The following FAT3 variants were observed in gnomAD, a reference collection of about 807,000 sequenced individuals.
The protein encoded by FAT3 is protocadherin Fat 3.
Under a neutral mutation model 310.2 loss-of-function variants are expected in FAT3, and 95 were observed. That is an observed-to-expected ratio of 0.31 (90% CI 0.26 to 0.36). FAT3 has a LOEUF of 0.36. Ranked by LOEUF, FAT3 falls within the 10% of genes least tolerant of loss-of-function variation. The pLI, the probability that FAT3 is intolerant of heterozygous loss-of-function variation, is 1.00. For missense variants in FAT3, 5,408 were observed against 5,715.6 expected, an observed-to-expected ratio of 0.95 and a Z score of 1.74; for synonymous variants, 2,314 against 2,192.9, an observed-to-expected ratio of 1.06 and a Z score of -1.54.
intron 22 of FAT3, among the ~76,000 whole-genome samples, chr11:92,871,586 C>T (rs1377318596): frequency 2.6e-5 from 4 of 152,132 alleles, no homozygotes; most frequent in African/African-American, 9.7e-5. Context: ...GTTTAAATGA[C>T]ACCTTGTTAT....
intron 1 of FAT3, among the ~76,000 whole-genome samples, chr11:92,276,243 A>AT (rs1340397317): frequency 6.6e-6 from 1 of 152,192 alleles, no homozygotes; most frequent in Non-Finnish European, 1.5e-5. Flanking sequence ...TTTTTATCAA[A>AT]TGAGTCACAA....
chr11:92,411,548 G>A (rs1950269554), intron 2 of FAT3, among the ~76,000 whole-genome samples: 1 of 152,084 alleles, frequency 6.6e-6, no homozygotes, highest in Non-Finnish European at 1.5e-5. Flanking sequence ...TCTGTATTTT[G>A]ACAAGCCTTC....
At chr11:92,285,216 A>T (rs1946530769) in intron 1 of FAT3, among the ~76,000 whole-genome samples, 1 of 152,160 alleles carries the variant, frequency 6.6e-6, no homozygotes, top group Non-Finnish European at 1.5e-5. Flanking sequence ...AGAGTGTAAG[A>T]GTGCTCTGCA....
At position 92,883,100 on chromosome 11, in the gene FAT3, G is replaced by A. The variant is rs2136413826; in HGVS notation, c.12644G>A (p.Ser4215Asn). 6.2e-7 allele frequency: 1 copy of A among 1,613,852 alleles called. No homozygotes were observed. Among genetic ancestry groups the A allele is most frequent in the South Asian group, 1.1e-5 (1 of 91,082 alleles). The change falls in exon 24 of 28, where the codon AGT becomes AAT. Residue 4215 changes from serine to asparagine, a missense_variant. Ser to Asn is a conservative substitution (Grantham distance 46). This residue lies in a region of FAT3 where 649 missense variants were observed against 666.2 expected (regional missense o/e 0.97). Coordinates refer to ENST00000525166, the MANE Select transcript of FAT3 (RefSeq NM_001367949.2). This position sits in a 1 kb window ranked among gnomAD's most constrained non-coding sequence, Gnocchi z 4.2. ...ATCCCGTTCCGGAACCTGCGCGGCA[G>A]TGGGGACGGCCGCAACGTCTACCAG... ...NGIPFRNLRG[S>N]GDGRNVYQEV...
At chr11:92,679,972 G>C (rs1049785257) in intron 3 of FAT3, among the ~76,000 whole-genome samples, 1 of 149,552 alleles carries the variant, frequency 6.7e-6, no homozygotes. Context: ...TTTTGTTGCT[G>C]TTGTTGTTTC....
At chr11:92,306,506 A>T in intron 1 of FAT3, among the ~76,000 whole-genome samples, 1 of 131,402 alleles carries the variant, frequency 7.6e-6, no homozygotes, top group South Asian at 2.2e-4. Context: ...TATATATGTT[A>T]TATATATTTA....
intron 3 of FAT3, among the ~76,000 whole-genome samples, chr11:92,570,098 T>C (rs562666266): frequency 6.6e-6 from 1 of 152,282 alleles, no homozygotes; most frequent in East Asian, 1.9e-4. Flanking sequence ...TGTAGTAAAA[T>C]TGAGCAATGG....
rs893575813 is a variant in FAT3 at position 92,298,060 on chromosome 11, G to A, written c.-17-54036G>A. ...AAATGCGGGTGGTGAGGACATCCAGGATAAGACAAGTGGTGATTGACAGCC... is the reference window on the plus strand; with the variant it reads ...AAATGCGGGTGGTGAGGACATCCAGAATAAGACAAGTGGTGATTGACAGCC... On this transcript the variant is annotated intron_variant, in intron 1 of 27. Coordinates refer to ENST00000525166, the MANE Select transcript of FAT3 (RefSeq NM_001367949.2). Among the ~76,000 whole-genome samples, 22 of 152,096 alleles carry A rather than the reference G, an allele frequency of 1.4e-4. 1 individual carries two copies. Among genetic ancestry groups the A allele is most frequent in the Admixed American group, 7.9e-4 (12 of 15,246 alleles).
intron 1 of FAT3, among the ~76,000 whole-genome samples, chr11:92,264,828 G>A (rs1945887954): frequency 1.3e-5 from 2 of 152,038 alleles, no homozygotes; most frequent in African/African-American, 2.4e-5. Flanking sequence ...CGGTCACAGT[G>A]AGAGATAAGA....
chr11:92,429,477 A>G (rs991695899), intron 2 of FAT3, among the ~76,000 whole-genome samples: 2 of 152,016 alleles, frequency 1.3e-5, no homozygotes, highest in African/African-American at 2.4e-5. Flanking sequence ...CATAGTGTTG[A>G]TGGTCTTTAC....
intron 3 of FAT3, among the ~76,000 whole-genome samples, chr11:92,619,162 C>G (rs943504784): frequency 1.2e-4 from 18 of 152,114 alleles, no homozygotes; most frequent in African/African-American, 3.6e-4. Flanking sequence ...AGATGTTAAG[C>G]CAACTTTGTA....
At chr11:92,666,718 TA>T (rs1942966435) in intron 3 of FAT3, among the ~76,000 whole-genome samples, 1 of 151,874 alleles carries the variant, frequency 6.6e-6, no homozygotes, top group East Asian at 1.9e-4. Flanking sequence ...ATTGTTCTGC[TA>T]AAGTGAGAGA....
chr11:92,585,571 C>T (rs1385859919), intron 3 of FAT3, among the ~76,000 whole-genome samples: 2 of 151,952 alleles, frequency 1.3e-5, no homozygotes, highest in African/African-American at 4.8e-5. Context: ...GCTCCAAATG[C>T]TTTACATGTA....
At chr11:92,296,397 G>A (rs1565208612) in intron 1 of FAT3, among the ~76,000 whole-genome samples, 1 of 152,042 alleles carries the variant, frequency 6.6e-6, no homozygotes, top group Non-Finnish European at 1.5e-5. Flanking sequence ...AGGGCTAAAT[G>A]AGACAATGTA....
At chr11:92,686,479 A>G (rs1943637444) in intron 3 of FAT3, among the ~76,000 whole-genome samples, 1 of 152,196 alleles carries the variant, frequency 6.6e-6, no homozygotes, top group Non-Finnish European at 1.5e-5. Flanking sequence ...GGTAGTGCAA[A>G]GGTAAACTCC....
Position 92,798,343 on chromosome 11 carries a change from G to T in FAT3, c.5330G>T (p.Ser1777Ile). Reference sequence around the variant, plus strand: ...TTTCTCTTTTCTCAATACTCAGGCAGCCTAAGTGAGGCTGCCCCAATTAAT... The same window carrying T: ...TTTCTCTTTTCTCAATACTCAGGCATCCTAAGTGAGGCTGCCCCAATTAAT... Reference protein sequence around the residue: ...PVFLFSQYSGSLSEAAPINSI... With the variant: ...PVFLFSQYSGILSEAAPINSI... Residue 1777 changes from serine (S) to isoleucine (I), a missense_variant, in exon 10 of 28, where the codon AGC becomes ATC. Ser to Ile is a moderately radical substitution (Grantham distance 142). Transcript: ENST00000525166. 4 of 1,613,628 alleles carry T rather than the reference G, an allele frequency of 2.5e-6. No homozygotes were observed. The highest frequency in any genetic ancestry group is 3.4e-6 in the Non-Finnish European group (4 of 1,179,764).
At chr11:92,426,415 A>G (rs929098131) in intron 2 of FAT3, among the ~76,000 whole-genome samples, 2 of 152,066 alleles carry the variant, frequency 1.3e-5, no homozygotes, top group African/African-American at 2.4e-5. Flanking sequence ...ATTTGTTGCA[A>G]TTGTTTTTGG....
chr11:92,754,510 C>T (rs1479238850), intron 4 of FAT3, among the ~76,000 whole-genome samples: 1 of 150,374 alleles, frequency 6.7e-6, no homozygotes, highest in Non-Finnish European at 1.5e-5. Flanking sequence ...TGCCTGTAGT[C>T]CCAGCTACTC....
intron 3 of FAT3, among the ~76,000 whole-genome samples, chr11:92,692,823 C>T (rs186774997): frequency 1.1e-3 from 166 of 152,306 alleles, no homozygotes; most frequent in African/African-American, 3.8e-3. Flanking sequence ...AACCCAGCTT[C>T]CAACAGTCTT....
Sources: gnomAD v4.1 joint callset for allele counts (sites outside exome capture counted in the v4.1 genomes callset) on GRCh38, gnomAD v4.1.1 for gene constraint, gnomAD v4.1.1 regional missense constraint, Gnocchi (gnomAD v3.1) non-coding constraint, MANE v1.5 for transcripts, NCBI Gene and HGNC (gene_info 2026-07-23, HGNC 2026-07-21) for gene names.